Variants in PRSS23 observed in about 807,000 individuals in gnomAD.
PRSS23 encodes the protein serine protease 23, also known as protease, serine 23.
Under a neutral mutation model 34.7 loss-of-function variants are expected in PRSS23, and 25 were observed. That is an observed-to-expected ratio of 0.72 (90% CI 0.53 to 1.01). The LOEUF (loss-of-function observed/expected upper bound fraction) is 1.01, where lower values mean the gene tolerates loss of function less well. Among genes scored for constraint, PRSS23 ranks in the 50% least tolerant of loss-of-function variants. The pLI is 0.00. For missense variants in PRSS23, 445 were observed against 475.6 expected, an observed-to-expected ratio of 0.94 and a Z score of 0.60; for synonymous variants, 176 against 186.6, an observed-to-expected ratio of 0.94 and a Z score of 0.46.
intron 1 of PRSS23, chr11:86,821,614 A>G (rs1253174990): frequency 6.2e-6 from 10 of 1,601,606 alleles, no homozygotes; most frequent in Admixed American, 1.7e-5. Flanking sequence ...TTAAATGTTC[A>G]TACTTCCATA....
intron 2 of PRSS23, among the ~76,000 whole-genome samples, chr11:86,825,683 T>A (rs1948294416): frequency 6.6e-6 from 1 of 152,036 alleles, no homozygotes; most frequent in Admixed American, 6.6e-5. Context: ...GGATCCAGTT[T>A]CAGCTTTCTA....
At chr11:86,834,920 C>T (rs192832924) in intron 2 of PRSS23, among the ~76,000 whole-genome samples, 2 of 152,184 alleles carry the variant, frequency 1.3e-5, no homozygotes, top group East Asian at 1.9e-4. Flanking sequence ...ACTGCATACC[C>T]CGCTTTTCGA....
chr11:86,928,707 T>TA (rs59624601), intron 2 of PRSS23, among the ~76,000 whole-genome samples: 9 of 65,894 alleles, frequency 1.4e-4, no homozygotes, highest in Admixed American at 7.3e-4. Flanking sequence ...AAAAAAAAAA[T>TA]TGGCAAGACA....
chr11:86,814,265 T>A (rs1948199761), downstream of PRSS23, among the ~76,000 whole-genome samples: 1 of 151,984 alleles, frequency 6.6e-6, no homozygotes, highest in African/African-American at 2.4e-5. Context: ...AATAATATCA[T>A]CTGGGGAGAG....
At chr11:86,839,528 T>G (rs1332665452) in intron 2 of PRSS23, among the ~76,000 whole-genome samples, 2 of 152,110 alleles carry the variant, frequency 1.3e-5, no homozygotes, top group African/African-American at 4.8e-5. Flanking sequence ...AAAACACTCT[T>G]CAGGATATTA....
At chr11:86,830,819 T>A (rs779167693) in intron 2 of PRSS23, among the ~76,000 whole-genome samples, 11 of 152,152 alleles carry the variant, frequency 7.2e-5, no homozygotes, top group Non-Finnish European at 1.3e-4. Context: ...GTGTACACCC[T>A]GTGATATTAT....
chr11:86,947,480 T>G (rs571049940), intron 2 of PRSS23: 13 of 152,276 alleles, frequency 8.5e-5, no homozygotes, highest in African/African-American at 3.1e-4. Flanking sequence ...AGCTAAAAGG[T>G]GCTGAACAGA....
In PRSS23 at chr11:86,808,883, CGTGTGTGTGTGT is replaced by C. The variant is rs35433370; in HGVS notation, c.*103_*114del. 5 of 888,102 alleles carry C rather than the reference CGTGTGTGTGTGT, an allele frequency of 5.6e-6. No individual in the cohort carries two copies. The highest frequency in any genetic ancestry group is 7.0e-6 in the Non-Finnish European group (4 of 569,824). The allele number at this position is 888,102 out of a possible 1,614,324, so 55.0% of individuals were successfully genotyped here. A position where few individuals can be genotyped will look rare whatever the true frequency, so the allele number is the denominator to read the frequency against. ...TTGTTTTTTGTCATTGGCGTGCACA[CGTGTGTGTGTGT>C]GTGTGTGTGTGTGTAAGGTGTCTTA... is the stretch of plus-strand genomic sequence containing the variant. On this transcript the variant is annotated 3_prime_UTR_variant, in exon 2 of 2. Coordinates refer to ENST00000280258, the MANE Select transcript of PRSS23 (RefSeq NM_007173.6).
upstream of PRSS23, chr11:86,800,403 G>C: frequency 1.0e-6 from 1 of 967,678 alleles, no homozygotes; most frequent in East Asian, 1.1e-4. Context: ...CGAGCGGCGA[G>C]GGGAGGGGGG....
chr11:86,836,571 C>T (rs541589782), intron 2 of PRSS23, among the ~76,000 whole-genome samples: 133 of 152,260 alleles, frequency 8.7e-4, no homozygotes, highest in African/African-American at 3.0e-3. Flanking sequence ...ATTAGAAAAG[C>T]ATGTGAAAAC....
At chr11:86,940,061 G>A (rs150588652) in intron 2 of PRSS23, among the ~76,000 whole-genome samples, 10 of 152,088 alleles carry the variant, frequency 6.6e-5, no homozygotes, top group African/African-American at 1.7e-4. Flanking sequence ...GAAATAAGTC[G>A]TGTTAGAAAA....
chr11:86,865,381 C>T (rs1020170872), intron 2 of PRSS23, among the ~76,000 whole-genome samples: 10 of 152,130 alleles, frequency 6.6e-5, no homozygotes, highest in African/African-American at 2.4e-4. Context: ...ATGCAAAGCG[C>T]CTGGTACATT....
At chr11:86,878,067 C>CT (rs960171389) in intron 2 of PRSS23, among the ~76,000 whole-genome samples, 5 of 151,970 alleles carry the variant, frequency 3.3e-5, no homozygotes, top group Admixed American at 1.3e-4. Context: ...ATTTGCACCT[C>CT]TTTTTTATAT....
chr11:86,855,403 G>A (rs932776635), intron 2 of PRSS23, among the ~76,000 whole-genome samples: 2 of 151,908 alleles, frequency 1.3e-5, no homozygotes, highest in Admixed American at 6.6e-5. Context: ...CTGTATTTTT[G>A]TACCCAATTA....
intron 2 of PRSS23, among the ~76,000 whole-genome samples, chr11:86,842,343 A>G (rs1948454801): frequency 6.6e-6 from 1 of 152,196 alleles, no homozygotes. Flanking sequence ...ATGGGCAACA[A>G]CTGGAAGCAT....
In PRSS23 at chr11:86,938,563, G is replaced by T. The variant is rs551332387; in HGVS notation, c.207-12653G>T. ...TAGGGTGTGTCTGAGGAAGAGGAAT[G>T]ATGTGGCTGGAAGAGAGGGGAAGAG... On this transcript the variant is annotated intron_variant, in intron 2 of 2. Transcript: ENST00000533902. Among the ~76,000 whole-genome samples, 9 of 152,304 alleles carry T rather than the reference G, an allele frequency of 5.9e-5. No individual in the cohort carries two copies. The South Asian group carries it at 1.9e-3, about 32-fold the overall frequency.
At chr11:86,872,469 C>T (rs948299677) in intron 2 of PRSS23, among the ~76,000 whole-genome samples, 1 of 152,202 alleles carries the variant, frequency 6.6e-6, no homozygotes, top group Non-Finnish European at 1.5e-5. Flanking sequence ...CATATCCGTA[C>T]TCTGCCCATT....
At chr11:86,933,869 C>T (rs375190028) in intron 2 of PRSS23, 8 of 152,234 alleles carry the variant, frequency 5.3e-5, no homozygotes, top group African/African-American at 1.4e-4. Context: ...TGATTTGGAA[C>T]GAGCCCACCT....
upstream of PRSS23, among the ~76,000 whole-genome samples, chr11:86,797,065 A>G (rs1458117863): frequency 6.6e-6 from 1 of 152,270 alleles, no homozygotes; most frequent in East Asian, 1.9e-4. Flanking sequence ...TGACAGCCCA[A>G]ATAACCTTAC....
Sources: allele counts gnomAD v4.1 joint callset (sites outside exome capture counted in the v4.1 genomes callset), GRCh38; gene constraint gnomAD v4.1.1; transcripts MANE v1.5; gene names NCBI Gene and HGNC (gene_info 2026-07-23, HGNC 2026-07-21).